MACROD2: variants seen among roughly 807,000 people sequenced by gnomAD.
The protein encoded by MACROD2 is mono-ADP ribosylhydrolase 2, also known as ADP-ribose glycohydrolase MACROD2.
MACROD2 carries 36 observed loss-of-function variants against 70.4 expected under a neutral mutation model. The ratio of observed to expected loss-of-function variants is 0.51; its 90% CI spans 0.39 to 0.68. The LOEUF is 0.68. MACROD2 is among the 30% of genes least tolerant of loss of function. The probability of loss-of-function intolerance (pLI) is 0.00; values close to 1 mark genes in which losing one functional copy is unlikely to be tolerated. For missense variants in MACROD2, 496 were observed against 538.4 expected (o/e 0.92, Z 0.78); for synonymous variants, 172 against 178.8 (o/e 0.96, Z 0.30).
At chr20:15,596,517 T>C (rs913352191) in intron 8 of MACROD2, among the ~76,000 whole-genome samples, 1 of 152,196 alleles carries the variant, frequency 6.6e-6, no homozygotes, top group African/African-American at 2.4e-5. Flanking sequence ...GTCAACTTCC[T>C]CCATAACAAG....
intron 5 of MACROD2, among the ~76,000 whole-genome samples, chr20:14,927,550 G>T (rs2074248127): frequency 6.6e-6 from 1 of 152,198 alleles, no homozygotes; most frequent in African/African-American, 2.4e-5. Context: ...AGTTTGTGTT[G>T]CTTGCTTTCA....
chr20:14,492,148 G>A (rs539381280), intron 3 of MACROD2, among the ~76,000 whole-genome samples: 43 of 152,274 alleles, frequency 2.8e-4, no homozygotes, highest in African/African-American at 6.5e-4. Flanking sequence ...TACCGTCTGT[G>A]TAAATATCAC....
chr20:14,853,179 G>GTGTGTGTGTGTA, intron 5 of MACROD2, among the ~76,000 whole-genome samples: 1 of 151,344 alleles, frequency 6.6e-6, no homozygotes, highest in Non-Finnish European at 1.5e-5. Flanking sequence ...GTGTCTGTGT[G>GTGTGTGTGTGTA]TGTGTGTGTG....
intron 6 of MACROD2, among the ~76,000 whole-genome samples, chr20:15,365,296 C>T (rs1039946868): frequency 2.0e-5 from 3 of 151,966 alleles, no homozygotes; most frequent in Non-Finnish European, 4.4e-5. Flanking sequence ...AAGAAAAAAT[C>T]TTGTTCTTCG....
intron 3 of MACROD2, among the ~76,000 whole-genome samples, chr20:14,219,346 TTTC>T (rs1172295367): frequency 6.6e-6 from 1 of 152,140 alleles, no homozygotes; most frequent in African/African-American, 2.4e-5. Context: ...TTCCAGAGCA[TTTC>T]TTATTGTTAA....
Position 14,326,422 on chromosome 20 carries a change from C to T in MACROD2, c.272-167057C>T. The T allele has an allele frequency of 1.2e-6, 2 of 1,613,878 alleles. No homozygotes were observed. The highest frequency in any genetic ancestry group is 1.7e-6 in the Non-Finnish European group (2 of 1,179,882). ...TATTGCAGTGGTTATCTGAATGGTG[C>T]TTACAATCCCACTGTCCTTACAATC... On this transcript the variant is annotated intron_variant, in intron 3 of 17. Coordinates refer to ENST00000684519, the MANE Select transcript of MACROD2 (RefSeq NM_001351661.2). This position sits in a 1 kb window ranked among gnomAD's most constrained non-coding sequence, Gnocchi z 5.5.
At chr20:15,432,280 T>C (rs1049986686) in intron 7 of MACROD2, among the ~76,000 whole-genome samples, 1 of 152,116 alleles carries the variant, frequency 6.6e-6, no homozygotes, top group Non-Finnish European at 1.5e-5. Flanking sequence ...GGAGCTTTAC[T>C]TTTTTTCTTC....
intron 5 of MACROD2, among the ~76,000 whole-genome samples, chr20:14,694,957 C>T (rs997620280): frequency 6.6e-5 from 10 of 152,104 alleles, no homozygotes; most frequent in Non-Finnish European, 1.5e-4. Context: ...TGGCCTGGAC[C>T]TAATGACTCC....
intron 8 of MACROD2, among the ~76,000 whole-genome samples, chr20:15,759,923 C>T (rs1337142074): frequency 1.3e-5 from 2 of 152,180 alleles, no homozygotes. Context: ...TAAAGCAAAG[C>T]TGCCTTTCCC....
At chr20:15,214,718 T>C (rs1487276066) in intron 5 of MACROD2, among the ~76,000 whole-genome samples, 2 of 152,214 alleles carry the variant, frequency 1.3e-5, no homozygotes, top group Admixed American at 1.3e-4. Flanking sequence ...TCAAACACAT[T>C]CTTGCCATTC....
intron 4 of MACROD2, among the ~76,000 whole-genome samples, chr20:14,581,680 T>C (rs1228944537): frequency 2.0e-5 from 3 of 152,196 alleles, no homozygotes; most frequent in African/African-American, 7.2e-5. Context: ...AATATGAGCA[T>C]TAGACATCTT....
At chr20:14,385,532 T>C (rs914474266) in intron 3 of MACROD2, among the ~76,000 whole-genome samples, 2 of 152,176 alleles carry the variant, frequency 1.3e-5, no homozygotes, top group Non-Finnish European at 2.9e-5. Context: ...AAGATAGCAT[T>C]TTTACTTGAA....
At position 15,099,871 on chromosome 20, in the gene MACROD2, T is replaced by G. The variant is rs926757147; in HGVS notation, c.419-130069T>G. The stretch of plus-strand genomic sequence containing the variant: ...TAGAAATATGGATGGTAAAGGCAAT[T>G]CTGGTGAGGTCTCAGATGGAAATGA... On this transcript the variant is annotated intron_variant, in intron 5 of 17. Transcript: ENST00000684519. Among the ~76,000 whole-genome samples the G allele has an allele frequency of 3.9e-5, 6 of 152,048 alleles. No homozygotes were observed. The East Asian group carries it at 1.2e-3, about 29-fold the overall frequency.
intron 3 of MACROD2, among the ~76,000 whole-genome samples, chr20:14,237,557 T>C (rs1252286111): frequency 6.6e-6 from 1 of 151,606 alleles, no homozygotes; most frequent in Non-Finnish European, 1.5e-5. Context: ...TTATTATTAT[T>C]ATACTTTAAG....
At chr20:14,719,556 A>G (rs1317613544) in intron 5 of MACROD2, among the ~76,000 whole-genome samples, 1 of 152,080 alleles carries the variant, frequency 6.6e-6, no homozygotes, top group Non-Finnish European at 1.5e-5. Context: ...TGGGGGCCTG[A>G]TTACTAAAAG....
chr20:15,755,729 CAT>C (rs2051338611), intron 8 of MACROD2, among the ~76,000 whole-genome samples: 1 of 152,176 alleles, frequency 6.6e-6, no homozygotes, highest in Non-Finnish European at 1.5e-5. Context: ...TGCCTGAAAA[CAT>C]GTGCACTCAA....
intron 2 of MACROD2, among the ~76,000 whole-genome samples, chr20:14,047,590 T>C (rs945192058): frequency 6.6e-6 from 1 of 152,148 alleles, no homozygotes; most frequent in Non-Finnish European, 1.5e-5. Context: ...CATAAAGGTA[T>C]TTATTAAATA....
chr20:15,612,638 G>A (rs1032503841), intron 8 of MACROD2, among the ~76,000 whole-genome samples: 11 of 152,224 alleles, frequency 7.2e-5, no homozygotes, highest in Admixed American at 7.2e-4. Context: ...TTCATCAGGG[G>A]CAATGGAATT....
chr20:15,070,754 A>C (rs1311670149), intron 5 of MACROD2, among the ~76,000 whole-genome samples: 1 of 152,174 alleles, frequency 6.6e-6, no homozygotes, highest in Admixed American at 6.5e-5. Flanking sequence ...GCACAGCTGC[A>C]GAACCATGAG....
Sources: allele counts gnomAD v4.1 joint callset (sites outside exome capture counted in the v4.1 genomes callset), GRCh38; gene constraint gnomAD v4.1.1; non-coding constraint Gnocchi (gnomAD v3.1); transcripts MANE v1.5; gene names NCBI Gene and HGNC (gene_info 2026-07-23, HGNC 2026-07-21).